The following PDE4A variants were observed in gnomAD, a reference collection of about 807,000 sequenced individuals.
PDE4A encodes 3',5'-cyclic-AMP phosphodiesterase 4A.
Under a neutral mutation model 73.9 loss-of-function variants are expected in PDE4A, and 21 were observed. The observed-to-expected ratio is 0.28, with a 90% CI of 0.20 to 0.41. The LOEUF is 0.41. Ranked by LOEUF, PDE4A falls within the 10% of genes least tolerant of loss-of-function variation. PDE4A has a pLI of 1.00. For synonymous variants in PDE4A, 463 were observed against 505.4 expected (o/e 0.92, Z 1.13); for missense variants, 958 against 1,211.4 (o/e 0.79, Z 3.10).
intron 2 of PDE4A, among the ~76,000 whole-genome samples, chr19:10,447,083 G>A (rs1435625822): frequency 6.7e-6 from 1 of 150,268 alleles, no homozygotes; most frequent in Non-Finnish European, 1.5e-5. Flanking sequence ...GCATTTTTTA[G>A]TGGAGACGGG....
chr19:10,422,199 G>A lies in PDE4A; in HGVS notation c.320+1115G>A, dbSNP rs140145954. ...ATGTGATTGTGACAGTGTCATTTCT[G>A]GCATGCAGTGATTGTGGCACTGGGG... On this transcript the variant is annotated intron_variant, in intron 1 of 14. Coordinates refer to ENST00000380702, the MANE Select transcript of PDE4A (RefSeq NM_001111307.2). Among the ~76,000 whole-genome samples the A allele has an allele frequency of 8.1e-4, 124 of 152,236 alleles. 1 individual carries two copies. Among genetic ancestry groups the A allele is most frequent in the African/African-American group, 3.0e-3 (123 of 41,530 alleles).
upstream of PDE4A, chr19:10,419,129 G>T: frequency 3.1e-6 from 3 of 960,220 alleles, no homozygotes; most frequent in South Asian, 4.9e-5. Context: ...ACGGCATCGC[G>T]TGCCCTGGGG....
rs2043293370 is a variant in PDE4A at position 10,462,641 on chromosome 19, C to CACT, written c.1743+642_1743+643insACT. 2.6e-5 allele frequency among the ~76,000 whole-genome samples: 4 copies of CACT among 152,150 alleles called. No homozygotes were observed. In the South Asian group the frequency reaches 8.3e-4, roughly 32 times the overall value. On this transcript the variant is annotated intron_variant, in intron 13 of 14. Transcript: ENST00000380702. The stretch of plus-strand genomic sequence containing the variant: ...CTGACCTCTTTCTGTCTGTCCCCTT[C>CACT]TCCATCTTCACTTTCCAATCCCATC...
At chr19:10,417,752 G>A (rs959237082), upstream of PDE4A, 2 of 1,580,534 alleles carry the variant, frequency 1.3e-6, no homozygotes, top group South Asian at 1.1e-5. Context: ...GTCCTGGCCT[G>A]GGCTGGGCCC....
At chr19:10,449,983 T>C (rs1013203083) in intron 4 of PDE4A, among the ~76,000 whole-genome samples, 5 of 151,624 alleles carry the variant, frequency 3.3e-5, no homozygotes, top group African/African-American at 1.2e-4. Context: ...GGTTCCCACC[T>C]ACACAGAAGG....
intron 1 of PDE4A, among the ~76,000 whole-genome samples, chr19:10,442,873 G>C (rs2042956691): frequency 6.7e-6 from 1 of 148,882 alleles, no homozygotes; most frequent in African/African-American, 2.5e-5. Flanking sequence ...TGTAATATTA[G>C]TAATAGTGCA....
upstream of PDE4A, among the ~76,000 whole-genome samples, chr19:10,419,764 C>G (rs73005251): frequency 0.029 from 4,393 of 152,302 alleles, 92 homozygotes; most frequent in Non-Finnish European, 0.042. Context: ...TCCGCAAGCA[C>G]ACACCGACCA....
At chr19:10,454,776 C>T (rs2043145985) in intron 6 of PDE4A, 53 bp from the exon 7 acceptor site, 4 of 1,611,886 alleles carry the variant, frequency 2.5e-6, no homozygotes, top group Non-Finnish European at 3.4e-6. Flanking sequence ...TGACACCCTC[C>T]TCACCACTGT....
intron 6 of PDE4A, 178 bp from the exon 7 acceptor site, chr19:10,454,651 G>C: frequency 4.7e-6 from 3 of 640,522 alleles, no homozygotes; most frequent in Non-Finnish European, 5.8e-6. Flanking sequence ...TCCATCCAGA[G>C]CTGGGAGGAC....
At chr19:10,418,102 G>T (rs1300292008), upstream of PDE4A, among the ~76,000 whole-genome samples, 1 of 152,190 alleles carries the variant, frequency 6.6e-6, no homozygotes, top group Non-Finnish European at 1.5e-5. Flanking sequence ...ACTGAGGAAA[G>T]GGGTGTCATG....
chr19:10,461,588 G>A lies in PDE4A; in HGVS notation c.1528G>A (p.Gly510Ser). 1 of 1,614,052 alleles carries A rather than the reference G, an allele frequency of 6.2e-7. No individual in the cohort carries two copies. The highest frequency in any genetic ancestry group is 8.5e-7 in the Non-Finnish European group (1 of 1,179,996). The stretch of plus-strand genomic sequence containing the variant: ...GCTCGAGAATCACCACCTGGCCGTG[G>A]GCTTCAAGCTGCTGCAGGAGGACAA... ...SVLENHHLAV[G>S]FKLLQEDNCD... The change falls in exon 12 of 15, where the codon GGC becomes AGC. Residue 510 changes from glycine to serine, a missense_variant. Coordinates refer to ENST00000380702, the MANE Select transcript of PDE4A (RefSeq NM_001111307.2).
chr19:10,427,495 C>A, intron 1 of PDE4A: 1 of 985,328 alleles, frequency 1.0e-6, no homozygotes, highest in Non-Finnish European at 1.2e-6. Context: ...CATGTAAGGG[C>A]TCATAGACCA....
intron 14 of PDE4A, among the ~76,000 whole-genome samples, chr19:10,465,736 C>T (rs1336494278): frequency 4.7e-4 from 48 of 101,386 alleles, no homozygotes; most frequent in South Asian, 1.8e-3. Flanking sequence ...GTCTCACTCT[C>T]GTTCCCCAGG....
chr19:10,431,017 CT>C (rs2145469614), intron 1 of PDE4A: 1 of 1,579,016 alleles, frequency 6.3e-7, no homozygotes, highest in Admixed American at 1.7e-5. Flanking sequence ...CCGTCCCCAA[CT>C]TTCCGCAGAC....
rs146187364 is a variant in PDE4A at position 10,442,835 on chromosome 19, T to C, written c.321-3383T>C. Among the ~76,000 whole-genome samples the C allele has an allele frequency of 8.7e-3, 1,299 of 148,816 alleles. 15 individuals are homozygous for C. Among genetic ancestry groups the C allele is most frequent in the South Asian group, 0.025 (118 of 4,776 alleles). On this transcript the variant is annotated intron_variant, in intron 1 of 14. Transcript: ENST00000380702. ...TATTACATATATAATATCAGTAATA[T>C]TATATATAGTAATATTATATACATG...
At chr19:10,449,930 TA>T (rs36076742) in intron 4 of PDE4A, among the ~76,000 whole-genome samples, 403 of 141,474 alleles carry the variant, frequency 2.8e-3, no homozygotes, top group Admixed American at 3.3e-3. Context: ...ACCCTGTCTC[TA>T]AAAAAAAAAA....
At chr19:10,428,752 G>A (rs1415185836) in intron 1 of PDE4A, 1 of 984,232 alleles carries the variant, frequency 1.0e-6, no homozygotes, top group Non-Finnish European at 1.2e-6. Context: ...GAGGCCACAC[G>A]CAAGCCCAGG....
At chr19:10,432,665 T>A in intron 1 of PDE4A, 2 of 1,235,286 alleles carry the variant, frequency 1.6e-6, no homozygotes, top group Non-Finnish European at 2.2e-6. Flanking sequence ...CCTGGGTGAG[T>A]CCCCTAAGTG....
chr19:10,450,508 C>A, intron 4 of PDE4A, 95 bp from the exon 5 acceptor site: 1 of 1,486,630 alleles, frequency 6.7e-7, no homozygotes, highest in Non-Finnish European at 8.9e-7. Flanking sequence ...AGTTTTCAGA[C>A]AAATGAAAAT....
Sources: allele counts gnomAD v4.1 joint callset (sites outside exome capture counted in the v4.1 genomes callset), GRCh38; gene constraint gnomAD v4.1.1; transcripts MANE v1.5; gene names NCBI Gene and HGNC (gene_info 2026-07-23, HGNC 2026-07-21).